Variants in ADCY4 observed in about 807,000 individuals in gnomAD.
ADCY4 encodes the protein adenylate cyclase 4.
ADCY4 carries 111 observed loss-of-function variants against 125.5 expected under a neutral mutation model. That is an observed-to-expected ratio of 0.88 (90% CI 0.76 to 1.04). The LOEUF is 1.04. ADCY4 is among the 50% of genes least tolerant of loss of function. ADCY4 has a pLI of 0.00. For missense variants in ADCY4, 1,256 were observed against 1,382.9 expected (o/e 0.91, Z 1.46); for synonymous variants, 576 against 586.9 (o/e 0.98, Z 0.27).
intron 14 of ADCY4, among the ~76,000 whole-genome samples, chr14:24,324,763 G>A (rs2041914811): frequency 6.6e-6 from 1 of 151,934 alleles, no homozygotes; most frequent in African/African-American, 2.4e-5. Context: ...GAGTGCAGTG[G>A]TGTGATCTTG....
chr14:24,326,140 C>A lies in ADCY4; in HGVS notation c.1594G>T (p.Asp532Tyr). Residue 532 changes from aspartate to tyrosine, a missense_variant, in exon 12 of 25, where the codon GAT becomes TAT. Transcript: ENST00000418030. ...TTGGCATCCCCGGTGTCCAGTTCAT[C>A]ATCTAGTCCCCGGGGGGTACGGCTC... ...DRSRTPRGLD[D>Y]ELDTGDAKFF... 1 of 1,592,460 alleles carries A rather than the reference C, an allele frequency of 6.3e-7. No homozygotes were observed. Among genetic ancestry groups the A allele is most frequent in the Non-Finnish European group, 8.6e-7 (1 of 1,166,718 alleles).
At chr14:24,324,567 GC>G (rs1287427342) in intron 14 of ADCY4, among the ~76,000 whole-genome samples, 176 bp from the exon 15 acceptor site, 2 of 152,186 alleles carry the variant, frequency 1.3e-5, no homozygotes, top group African/African-American at 4.8e-5. Context: ...GGGTTGGCTG[GC>G]TTAAGGGTCT....
Position 24,322,974 on chromosome 14 carries a change from A to C in ADCY4, c.2272T>G (p.Phe758Val). 1.1e-5 allele frequency: 17 copies of C among 1,613,978 alleles called. No individual in the cohort carries two copies. The highest frequency in any genetic ancestry group is 1.4e-5 in the Non-Finnish European group (17 of 1,179,960). ...LLWLAASCSLFLHSHAWLSEC... is the reference protein window; with the variant it reads ...LLWLAASCSLVLHSHAWLSEC... ...GACAGCCAGGCATGGGAGTGCAGGAAGAGGGAGCAGGATGCCGCCAGCCAC... is the reference window on the plus strand; with the variant it reads ...GACAGCCAGGCATGGGAGTGCAGGACGAGGGAGCAGGATGCCGCCAGCCAC... Residue 758 changes from phenylalanine (F) to valine (V), a missense_variant, in exon 18 of 25, where the codon TTC becomes GTC. Phe to Val is a conservative substitution (Grantham distance 50). Transcript: ENST00000418030.
Position 24,322,099 on chromosome 14 carries a change from G to A in ADCY4, c.2553C>T (p.Ala851=), listed in dbSNP as rs139981959. The change falls in exon 20 of 25, where the codon GCC becomes GCT. Residue 851 remains alanine, a synonymous_variant. Transcript: ENST00000418030. The stretch of plus-strand genomic sequence containing the variant: ...GCCGGTTCTGGCCAATGAACTGGGG[G>A]GCCACGTGTGCAGGGAGCACGTTCT... ...LLENVLPAHV[A]PQFIGQNRRN... The A allele has an allele frequency of 2.9e-5, 46 of 1,613,772 alleles. No homozygotes were observed. Among genetic ancestry groups the A allele is most frequent in the East Asian group, 2.2e-4 (10 of 44,890 alleles).
chr14:24,329,235 C>T lies in ADCY4; in HGVS notation c.1351-1G>A. ...TGCCCTTCTCATCCTCCTCCTCTGCCTGGGGCACATAAGGGCTGACAGTAA... is the reference window on the plus strand; with the variant it reads ...TGCCCTTCTCATCCTCCTCCTCTGCTTGGGGCACATAAGGGCTGACAGTAA... On this transcript the variant is annotated splice_acceptor_variant, in intron 9 of 24. Transcript: ENST00000418030. LOFTEE classifies it high-confidence loss of function. 6.2e-7 allele frequency: 1 copy of T among 1,613,492 alleles called. No individual in the cohort carries two copies. Among genetic ancestry groups the T allele is most frequent in the Non-Finnish European group, 8.5e-7 (1 of 1,179,650 alleles).
chr14:24,329,847 C>G lies in ADCY4; in HGVS notation c.1217+13G>C, dbSNP rs911229195. 5.0e-6 allele frequency: 8 copies of G among 1,610,366 alleles called. No individual in the cohort carries two copies. In the African/African-American group the frequency reaches 1.1e-4, roughly 22 times the overall value. On this transcript the variant is annotated intron_variant, in intron 8 of 24. Transcript: ENST00000418030. ...GGCCTTCTGCTGTAGCTGCCTAGGG[C>G]CCTAGGTCTCACCCTGGTACACCGC...
chr14:24,331,155 G>A, intron 5 of ADCY4, 26 bp from the exon 6 acceptor site: 1 of 1,613,002 alleles, frequency 6.2e-7, no homozygotes. Flanking sequence ...TGTGTCAGCA[G>A]GGCCAGGGTC....
intron 5 of ADCY4, 24 bp from the exon 6 acceptor site, chr14:24,331,153 C>G (rs1594667469): frequency 6.2e-7 from 1 of 1,612,740 alleles, no homozygotes; most frequent in Non-Finnish European, 8.5e-7. Context: ...ACTGTGTCAG[C>G]AGGGCCAGGG....
intron 4 of ADCY4, 149 bp downstream of exon 4, chr14:24,331,639 T>C: frequency 2.4e-6 from 3 of 1,230,222 alleles, no homozygotes; most frequent in South Asian, 1.6e-5. Context: ...CACAACCTTC[T>C]AAGATGGGCA....
rs2042023904 is a variant in ADCY4 at position 24,330,439 on chromosome 14, T to G, written c.931-144A>C. On this transcript the variant is annotated intron_variant, in intron 6 of 24. Coordinates refer to ENST00000418030, the MANE Select transcript of ADCY4 (RefSeq NM_001198568.2). ...TGTCTAGATCAGATCTAGGGACTCC[T>G]TTCACTTGATATGGGGCTAACTGTC... 5 of 1,086,274 alleles carry G rather than the reference T, an allele frequency of 4.6e-6. No individual in the cohort carries two copies. The East Asian group carries it at 1.0e-4, about 22-fold the overall frequency. The allele number at this position is 1,086,274 out of a possible 1,614,324, so 67.3% of individuals were successfully genotyped here. A position where few individuals can be genotyped will look rare whatever the true frequency, so the allele number is the denominator to read the frequency against.
chr14:24,319,226 C>G lies in ADCY4; in HGVS notation c.2842-14G>C, dbSNP rs374892874. 2 of 1,613,970 alleles carry G rather than the reference C, an allele frequency of 1.2e-6. No individual in the cohort carries two copies. Among genetic ancestry groups the G allele is most frequent in the Non-Finnish European group, 8.5e-7 (1 of 1,179,866 alleles). On this transcript the variant is annotated splice_polypyrimidine_tract_variant and intron_variant, in intron 22 of 24. Transcript: ENST00000418030. The surrounding 1 kb of genome is among the most constrained non-coding windows in gnomAD (Gnocchi z 4.5). Reference sequence around the variant, plus strand: ...CCGTTCAGCATCCTGGCAATGGGCCCGCCCACCAGGGTGGGCCAGTGAGGG... The same window carrying G: ...CCGTTCAGCATCCTGGCAATGGGCCGGCCCACCAGGGTGGGCCAGTGAGGG...
chr14:24,334,348 G>A, intron 1 of ADCY4, 146 bp downstream of exon 1: 1 of 1,353,694 alleles, frequency 7.4e-7, no homozygotes, highest in South Asian at 1.5e-5. Context: ...ACTTGCCCAG[G>A]GTCACTGCAG....
At chr14:24,332,352 A>G in intron 3 of ADCY4, 170 bp downstream of exon 3, 6 of 723,958 alleles carry the variant, frequency 8.3e-6, no homozygotes, top group Non-Finnish European at 1.3e-5. Flanking sequence ...TTCTGGTAAC[A>G]GCAGGCATTG....
In ADCY4 at chr14:24,330,689, G is replaced by A. The variant is rs60505236; in HGVS notation, c.930+329C>T. On this transcript the variant is annotated intron_variant, in intron 6 of 24. Transcript: ENST00000418030. ...ATAGGGCAGAAATTTCTCTTGGAAG[G>A]GCCTCCTAAGGTTAGAATATCAGAA... 2,175 of 350,180 alleles carry A rather than the reference G, an allele frequency of 6.2e-3. 47 individuals are homozygous for A. The highest frequency in any genetic ancestry group is 0.041 in the African/African-American group (1,998 of 48,710). The allele number at this position is 350,180 out of a possible 1,614,324, so 21.7% of individuals were successfully genotyped here.
At chr14:24,321,633 G>A (rs143652503) in intron 20 of ADCY4, 3 of 213,628 alleles carry the variant, frequency 1.4e-5, no homozygotes, top group South Asian at 1.6e-4. Flanking sequence ...TCACAATAAG[G>A]TTCAAGTTCC....
chr14:24,324,361 G>A lies in ADCY4; in HGVS notation c.1854C>T (p.Ile618=). 6.2e-7 allele frequency: 1 copy of A among 1,614,220 alleles called. No individual in the cohort carries two copies. The highest frequency in any genetic ancestry group is 8.5e-7 in the Non-Finnish European group (1 of 1,180,018). Residue 618 remains isoleucine, a synonymous_variant, in exon 15 of 25, where the codon ATC becomes ATT. Transcript: ENST00000418030. The part of the protein sequence containing the change: ...RPPALAITYS[I]TFLLFLLILF... ...GGATGAGGAGGAAGAGGAGGAAGGT[G>A]ATGCTATACGTGATGGCCAGAGCTG...
At position 24,319,483 on chromosome 14, in the gene ADCY4, A is replaced by G; in HGVS notation, c.2734-47T>C. On this transcript the variant is annotated intron_variant, in intron 21 of 24. Coordinates refer to ENST00000418030, the MANE Select transcript of ADCY4 (RefSeq NM_001198568.2). This position sits in a 1 kb window ranked among gnomAD's most constrained non-coding sequence, Gnocchi z 4.5. ...GTCCCCAGTCTCTCTTACTCTCTCC[A>G]TCACCTCTCCCAGAAGCCCAGCCCC... 4 of 1,577,004 alleles carry G rather than the reference A, an allele frequency of 2.5e-6. No homozygotes were observed. In the South Asian group the frequency reaches 4.4e-5, roughly 18 times the overall value.
chr14:24,332,038 A>C (rs1467106162), intron 3 of ADCY4, 101 bp from the exon 4 acceptor site: 27 of 1,353,600 alleles, frequency 2.0e-5, no homozygotes, highest in Non-Finnish European at 2.5e-5. Flanking sequence ...TGGGCTTTAC[A>C]GTGAGGGACC....
chr14:24,333,105 T>A, intron 1 of ADCY4, 117 bp from the exon 2 acceptor site: 1 of 1,068,684 alleles, frequency 9.4e-7, no homozygotes, highest in Non-Finnish European at 1.3e-6. Context: ...CAAGCCTAAG[T>A]ACGAAAAGGA....
Sources: gnomAD v4.1 joint callset for allele counts (sites outside exome capture counted in the v4.1 genomes callset) on GRCh38, gnomAD v4.1.1 for gene constraint, Gnocchi (gnomAD v3.1) non-coding constraint, MANE v1.5 for transcripts, NCBI Gene and HGNC (gene_info 2026-07-23, HGNC 2026-07-21) for gene names.